CRHR1: variants seen among roughly 807,000 people sequenced by gnomAD.
The protein encoded by CRHR1 is corticotropin releasing hormone receptor 1, also known as corticotropin-releasing hormone receptor 1.
CRHR1 carries 28 observed loss-of-function variants against 56.0 expected under a neutral mutation model. The observed-to-expected ratio is 0.50, with a 90% CI of 0.37 to 0.69. The LOEUF is 0.69. Among genes scored for constraint, CRHR1 ranks in the 30% least tolerant of loss-of-function variants. The pLI, the probability that CRHR1 is intolerant of heterozygous loss-of-function variation, is 0.00. For synonymous variants in CRHR1, 195 were observed against 216.5 expected (o/e 0.90, Z 0.87); for missense variants, 376 against 548.0 (o/e 0.69, Z 3.13).
At chr17:45,818,959 G>A (rs962504951) in intron 3 of CRHR1, among the ~76,000 whole-genome samples, 8 of 152,150 alleles carry the variant, frequency 5.3e-5, no homozygotes, top group East Asian at 1.9e-4. Flanking sequence ...TGTTGGGCCT[G>A]CTTTCTTTCG....
chr17:45,801,273 C>T lies in CRHR1; in HGVS notation c.34-5737C>T, dbSNP rs186277178. 3.0e-4 allele frequency among the ~76,000 whole-genome samples: 46 copies of T among 152,332 alleles called. No individual in the cohort carries two copies. In the East Asian group the frequency reaches 4.8e-3, roughly 16 times the overall value. On this transcript the variant is annotated intron_variant, in intron 1 of 12. Transcript: ENST00000314537. ...CCTGCGCCTGGCCAGCCAGAAGGCGCGACTGTCTTCATGGTTCATCTCCTT... is the reference window on the plus strand; with the variant it reads ...CCTGCGCCTGGCCAGCCAGAAGGCGTGACTGTCTTCATGGTTCATCTCCTT...
At chr17:45,791,885 C>T (rs916452953) in intron 1 of CRHR1, among the ~76,000 whole-genome samples, 1 of 151,810 alleles carries the variant, frequency 6.6e-6, no homozygotes, top group Non-Finnish European at 1.5e-5. Flanking sequence ...CACACACACA[C>T]GCTGGTACCC....
At chr17:45,834,228 T>A (rs568517635) in intron 12 of CRHR1, among the ~76,000 whole-genome samples, 180 bp downstream of exon 12, 1 of 152,252 alleles carries the variant, frequency 6.6e-6, no homozygotes, top group East Asian at 1.9e-4. Context: ...ACTCCCACAG[T>A]GACAGCCCCC....
chr17:45,811,757 G>A (rs1360018059), intron 2 of CRHR1, among the ~76,000 whole-genome samples: 1 of 152,172 alleles, frequency 6.6e-6, no homozygotes, highest in Non-Finnish European at 1.5e-5. Context: ...TGCTTAAATG[G>A]TAGTACTTTA....
chr17:45,795,686 C>T (rs2061505025), intron 1 of CRHR1, among the ~76,000 whole-genome samples: 1 of 152,202 alleles, frequency 6.6e-6, no homozygotes, highest in Non-Finnish European at 1.5e-5. Flanking sequence ...GGTCCCTGGG[C>T]TCCCCACAGG....
intron 4 of CRHR1, chr17:45,826,877 C>G (rs1166193698): frequency 6.6e-6 from 1 of 152,370 alleles, no homozygotes; most frequent in Non-Finnish European, 1.5e-5. Flanking sequence ...ACTCGGGAGG[C>G]TGAGGCAGGA....
rs754931588 is a variant in CRHR1 at position 45,784,513 on chromosome 17, G to T, written c.-32G>T. On this transcript the variant is annotated 5_prime_UTR_variant, in exon 1 of 13. Coordinates refer to ENST00000314537, the MANE Select transcript of CRHR1 (RefSeq NM_004382.5). This position sits in a 1 kb window ranked among gnomAD's most constrained non-coding sequence, Gnocchi z 4.2. The stretch of plus-strand genomic sequence containing the variant: ...CCTCTGGGATGTCCGTAGGACCCGG[G>T]CATTCAGGACGGTAGCCGAGCGAGC... 5.9e-6 allele frequency: 9 copies of T among 1,533,978 alleles called. No homozygotes were observed. Among genetic ancestry groups the T allele is most frequent in the Non-Finnish European group, 7.9e-6 (9 of 1,139,638 alleles).
chr17:45,834,659 G>T lies in CRHR1; in HGVS notation c.1143G>T (p.Trp381Cys), dbSNP rs1371258872. The T allele has an allele frequency of 6.2e-7, 1 of 1,613,398 alleles. No homozygotes were observed. The highest frequency in any genetic ancestry group is 8.5e-7 in the Non-Finnish European group (1 of 1,179,908). Residue 381 changes from tryptophan to cysteine, a missense_variant, in exon 13 of 13, where the codon TGG (tryptophan) becomes TGT (cysteine). By Grantham distance (215) the Trp-to-Cys change is radical. Transcript: ENST00000314537. ...CCATCCGGAAGAGGTGGCACCGGTG[G>T]CAGGACAAGCACTCGATCCGTGCCC... ...RSAIRKRWHRWQDKHSIRARV... is the reference protein window; with the variant it reads ...RSAIRKRWHRCQDKHSIRARV...
intron 1 of CRHR1, among the ~76,000 whole-genome samples, chr17:45,804,456 A>G (rs2061683762): frequency 6.6e-6 from 1 of 151,974 alleles, no homozygotes; most frequent in Non-Finnish European, 1.5e-5. Context: ...TGGACCTTGG[A>G]ATGTGGGTGG....
intron 1 of CRHR1, among the ~76,000 whole-genome samples, chr17:45,795,893 T>G (rs936219119): frequency 1.6e-4 from 25 of 152,212 alleles, no homozygotes; most frequent in Admixed American, 9.8e-4. Context: ...CCCTGTTCGG[T>G]GGGGTTTGGC....
At position 45,808,435 on chromosome 17, in the gene CRHR1, C is replaced by T. The variant is rs767225400; in HGVS notation, c.121+1338C>T. On this transcript the variant is annotated intron_variant, in intron 2 of 12. Transcript: ENST00000314537. ...TCACAGAAGGTGCCTGGTCATGTCC[C>T]GGCTAGGGGTGGGTACTGGTAGCCA... Among the ~76,000 whole-genome samples the T allele has an allele frequency of 5.7e-4, 87 of 152,162 alleles. 1 individual carries two copies. The highest frequency in any genetic ancestry group is 5.3e-4 in the Non-Finnish European group (36 of 68,018).
At chr17:45,817,113 A>C (rs1239810784) in intron 3 of CRHR1, among the ~76,000 whole-genome samples, 1 of 147,294 alleles carries the variant, frequency 6.8e-6, no homozygotes, top group Non-Finnish European at 1.5e-5. Context: ...TTGTAGGTGG[A>C]GTGGGGCAGG....
intron 1 of CRHR1, among the ~76,000 whole-genome samples, chr17:45,802,193 T>C (rs2067836095): frequency 6.6e-6 from 1 of 152,022 alleles, no homozygotes. Context: ...GGCATGGTGG[T>C]GCAGGCCTGT....
chr17:45,826,991 A>G (rs1327036191), intron 4 of CRHR1: 1 of 151,954 alleles, frequency 6.6e-6, no homozygotes, highest in East Asian at 1.9e-4. Context: ...TCCCCCACCC[A>G]AAAAAAGAAA....
At chr17:45,829,381 G>C in intron 5 of CRHR1, 60 bp downstream of exon 5, 18 of 1,497,366 alleles carry the variant, frequency 1.2e-5, no homozygotes, top group Non-Finnish European at 1.6e-5. Flanking sequence ...AAGCAGGGTG[G>C]AGAAGTGAGA....
At chr17:45,803,926 G>T (rs912613741) in intron 1 of CRHR1, among the ~76,000 whole-genome samples, 3 of 152,152 alleles carry the variant, frequency 2.0e-5, no homozygotes, top group Non-Finnish European at 4.4e-5. Context: ...GGACAGAGCC[G>T]AGCCTGGGTC....
chr17:45,821,511 C>A, intron 4 of CRHR1, 71 bp downstream of exon 4: 1 of 1,396,658 alleles, frequency 7.2e-7, no homozygotes, highest in Non-Finnish European at 1.0e-6. Flanking sequence ...TTTGTGCCTG[C>A]TACTTGGAGT....
chr17:45,797,322 G>A lies in CRHR1; in HGVS notation c.34-9688G>A, dbSNP rs549959303. Among the ~76,000 whole-genome samples the A allele has an allele frequency of 3.4e-3, 415 of 120,746 alleles. 3 individuals carry two copies. The highest frequency in any genetic ancestry group is 0.028 in the Middle Eastern group (4 of 144). 79.2% of individuals were successfully genotyped at this position (120,746 alleles called of 152,430 possible). A position where few individuals can be genotyped will look rare whatever the true frequency, so the allele number is the denominator to read the frequency against. On this transcript the variant is annotated intron_variant, in intron 1 of 12. Transcript: ENST00000314537. ...TTTTTTTTTTTTGAGACGGAGTCTC[G>A]CTGTGTCACCCAGGCTGGAGTGCAG... is the stretch of plus-strand genomic sequence containing the variant.
intron 4 of CRHR1, chr17:45,826,653 T>C (rs2062169017): frequency 6.6e-6 from 1 of 152,256 alleles, no homozygotes; most frequent in Non-Finnish European, 1.5e-5. Flanking sequence ...AGAGTGCCTC[T>C]GCTTTCAATT....
Sources: allele counts gnomAD v4.1 joint callset (sites outside exome capture counted in the v4.1 genomes callset), GRCh38; gene constraint gnomAD v4.1.1; non-coding constraint Gnocchi (gnomAD v3.1); transcripts MANE v1.5; gene names NCBI Gene and HGNC (gene_info 2026-07-23, HGNC 2026-07-21).